RTCA: variants seen among roughly 807,000 people sequenced by gnomAD.
RTCA encodes RNA 3'-terminal phosphate cyclase.
In RTCA, 37 loss-of-function variants were observed where a neutral mutation model predicts 46.1. The ratio of observed to expected loss-of-function variants is 0.80; its 90% confidence interval spans 0.62 to 1.06. RTCA has a LOEUF of 1.06. RTCA is among the 50% of genes least tolerant of loss of function. The pLI, the probability that RTCA is intolerant of heterozygous loss-of-function variation, is 0.00. For missense variants in RTCA, 435 were observed against 455.5 expected (o/e 0.95, Z 0.41); for synonymous variants, 164 against 158.3 (o/e 1.04, Z -0.27).
intron 5 of RTCA, 147 bp from the exon 6 acceptor site, chr1:100,274,677 A>C (rs1666278000): frequency 1.1e-6 from 1 of 902,180 alleles, no homozygotes; most frequent in Non-Finnish European, 1.5e-6. Flanking sequence ...TTAATGTATA[A>C]AATTTTACAA....
In RTCA at chr1:100,287,133, C is replaced by A; in HGVS notation, c.929C>A (p.Ser310Tyr). Reference protein sequence around the residue: ...IVFMALANGVSRIKTGPVTLH... With the variant: ...IVFMALANGVYRIKTGPVTLH... ...TTCATGGCATTAGCCAATGGAGTTTCCAGAATAAAAACAGGACCAGTTACA... is the reference window on the plus strand; with the variant it reads ...TTCATGGCATTAGCCAATGGAGTTTACAGAATAAAAACAGGACCAGTTACA... The change falls in exon 10 of 11, where the codon TCC becomes TAC. Residue 310 changes from serine (S) to tyrosine (Y), a missense_variant. Physicochemically the swap from Ser to Tyr is moderately radical, Grantham distance 144. Coordinates refer to ENST00000370128, the MANE Select transcript of RTCA (RefSeq NM_003729.4). 6.3e-7 allele frequency: 1 copy of A among 1,582,218 alleles called. No homozygotes were observed. Among genetic ancestry groups the A allele is most frequent in the Non-Finnish European group, 8.6e-7 (1 of 1,167,660 alleles).
intron 8 of RTCA, among the ~76,000 whole-genome samples, chr1:100,282,114 G>T (rs887974530): frequency 2.6e-5 from 4 of 152,186 alleles, no homozygotes; most frequent in Non-Finnish European, 4.4e-5. Flanking sequence ...GATTTCAGAA[G>T]AAATTGAGAT....
chr1:100,282,118 T>C (rs547617242), intron 8 of RTCA, among the ~76,000 whole-genome samples: 1 of 152,172 alleles, frequency 6.6e-6, no homozygotes, highest in Non-Finnish European at 1.5e-5. Flanking sequence ...TCAGAAGAAA[T>C]TGAGATTTTG....
intron 9 of RTCA, among the ~76,000 whole-genome samples, chr1:100,286,597 C>T (rs1487484376): frequency 3.3e-5 from 5 of 151,876 alleles, no homozygotes; most frequent in East Asian, 1.9e-4. Flanking sequence ...ACTTTTGTCT[C>T]CTTAGTCCCA....
In RTCA at chr1:100,287,213, C is replaced by T; in HGVS notation, c.999+10C>T. ...TGAACAAATAGCAAAGGTGAGTATT[C>T]TATCAGAAAGGGAAATTGATATTTT... On this transcript the variant is annotated intron_variant, in intron 10 of 10. Coordinates refer to ENST00000370128, the MANE Select transcript of RTCA (RefSeq NM_003729.4). 6.6e-7 allele frequency: 1 copy of T among 1,520,022 alleles called. No individual in the cohort carries two copies. The highest frequency in any genetic ancestry group is 8.8e-7 in the Non-Finnish European group (1 of 1,135,016). The allele number at this position is 1,520,022 out of a possible 1,614,324, so 94.2% of individuals were successfully genotyped here.
At chr1:100,284,388 A>T (rs1453808895) in intron 8 of RTCA, among the ~76,000 whole-genome samples, 2 of 151,538 alleles carry the variant, frequency 1.3e-5, no homozygotes, top group African/African-American at 4.9e-5. Context: ...ACTTTAAAAA[A>T]ATTCTTTAAT....
At position 100,284,954 on chromosome 1, in the gene RTCA, T is replaced by C. The variant is rs559573246; in HGVS notation, c.800-274T>C. On this transcript the variant is annotated intron_variant, in intron 8 of 10. Coordinates refer to ENST00000370128, the MANE Select transcript of RTCA (RefSeq NM_003729.4). Reference sequence around the variant, plus strand: ...CATTATAGGGTCATAACTTAACTTATAAACTGGCTTTATAAATTAGTACAT... The same window carrying C: ...CATTATAGGGTCATAACTTAACTTACAAACTGGCTTTATAAATTAGTACAT... Among the ~76,000 whole-genome samples the C allele has an allele frequency of 6.2e-4, 95 of 152,340 alleles. 1 individual carries two copies. Among genetic ancestry groups the C allele is most frequent in the South Asian group, 1.9e-3 (9 of 4,826 alleles).
Position 100,283,183 on chromosome 1 carries a change from T to A in RTCA, c.800-2045T>A, listed in dbSNP as rs945355253. Among the ~76,000 whole-genome samples, 124 of 90,880 alleles carry A rather than the reference T, an allele frequency of 1.4e-3. 1 individual carries two copies. Among genetic ancestry groups the A allele is most frequent in the African/African-American group, 2.8e-3 (89 of 31,482 alleles). 59.6% of individuals were successfully genotyped at this position (90,880 alleles called of 152,430 possible). A position where few individuals can be genotyped will look rare whatever the true frequency, so the allele number is the denominator to read the frequency against. ...TCCTTTTTTTTTTTTTTTTTTTTTT[T>A]AATTTTGAGACAGAATCTCATGTGT... On this transcript the variant is annotated intron_variant, in intron 8 of 10. Coordinates refer to ENST00000370128, the MANE Select transcript of RTCA (RefSeq NM_003729.4).
chr1:100,270,877 T>C (rs1402321651), intron 4 of RTCA, among the ~76,000 whole-genome samples, 197 bp downstream of exon 4: 3 of 151,800 alleles, frequency 2.0e-5, no homozygotes, highest in Non-Finnish European at 4.4e-5. Context: ...CACAGCTCAC[T>C]GCATACTCAA....
At chr1:100,267,616 T>G in intron 2 of RTCA, 6 of 1,430,374 alleles carry the variant, frequency 4.2e-6, no homozygotes, top group Non-Finnish European at 4.6e-6. Context: ...GTGGTTCCTC[T>G]GTGTACCTTG....
At chr1:100,278,036 C>A (rs554954485) in intron 8 of RTCA, among the ~76,000 whole-genome samples, 2 of 152,302 alleles carry the variant, frequency 1.3e-5, no homozygotes, top group East Asian at 3.9e-4. Context: ...GTACATTCCA[C>A]TGTATCACGG....
intron 10 of RTCA, among the ~76,000 whole-genome samples, chr1:100,289,580 CTACT>C: frequency 6.6e-6 from 1 of 152,156 alleles, no homozygotes; most frequent in East Asian, 1.9e-4. Context: ...TTTTGTTACT[CTACT>C]TATGCTGTAT....
chr1:100,268,452 G>A (rs899454524), intron 3 of RTCA, among the ~76,000 whole-genome samples, 157 bp downstream of exon 3: 2 of 151,774 alleles, frequency 1.3e-5, no homozygotes, highest in Non-Finnish European at 2.9e-5. Context: ...CGGGGGTGCA[G>A]TGGTGCAATC....
intron 5 of RTCA, among the ~76,000 whole-genome samples, chr1:100,273,856 C>A (rs1014562799): frequency 6.6e-6 from 1 of 152,194 alleles, no homozygotes; most frequent in South Asian, 2.1e-4. Context: ...GGTTATTTCT[C>A]TTTAAGGCTT....
chr1:100,285,085 T>C, intron 8 of RTCA, 143 bp from the exon 9 acceptor site: 1 of 602,582 alleles, frequency 1.7e-6, no homozygotes, highest in Non-Finnish European at 3.0e-6. Flanking sequence ...AAAGATCTTA[T>C]TCTAAAAGGT....
At chr1:100,280,915 G>A (rs532554124) in intron 8 of RTCA, among the ~76,000 whole-genome samples, 2 of 152,210 alleles carry the variant, frequency 1.3e-5, no homozygotes, top group South Asian at 2.1e-4. Flanking sequence ...GGCAGGAGGC[G>A]GGAGGATCAC....
chr1:100,277,251 T>G lies in RTCA; in HGVS notation c.741-7T>G, dbSNP rs1290981133. On this transcript the variant is annotated splice_polypyrimidine_tract_variant and splice_region_variant and intron_variant, in intron 7 of 10. Transcript: ENST00000370128. ...CAAAGGTAGTAATAACTTTTTTTCT[T>G]GCATAGAATTATTGCTGAGACCTCC... 3 of 1,613,142 alleles carry G rather than the reference T, an allele frequency of 1.9e-6. No individual in the cohort carries two copies. Among genetic ancestry groups the G allele is most frequent in the Non-Finnish European group, 2.5e-6 (3 of 1,179,474 alleles).
intron 9 of RTCA, among the ~76,000 whole-genome samples, chr1:100,286,727 A>G (rs927009068): frequency 6.6e-6 from 1 of 152,164 alleles, no homozygotes; most frequent in Non-Finnish European, 1.5e-5. Flanking sequence ...AACTCCCAGT[A>G]AAGTCCCAGT....
At chr1:100,286,993 T>G in intron 9 of RTCA, 106 bp from the exon 10 acceptor site, 2 of 721,414 alleles carry the variant, frequency 2.8e-6, no homozygotes, top group Non-Finnish European at 4.2e-6. Context: ...AAATTCTGTT[T>G]TAGCAATTTT....
Sources: gnomAD v4.1 joint callset for allele counts (sites outside exome capture counted in the v4.1 genomes callset) on GRCh38, gnomAD v4.1.1 for gene constraint, MANE v1.5 for transcripts, NCBI Gene and HGNC (gene_info 2026-07-23, HGNC 2026-07-21) for gene names.